The following SLC2A11 variants were observed in gnomAD, a reference collection of about 807,000 sequenced individuals.
SLC2A11 encodes solute carrier family 2, facilitated glucose transporter member 11.
SLC2A11 carries 43 observed loss-of-function variants against 52.1 expected under a neutral mutation model. The ratio of observed to expected loss-of-function variants is 0.82; its 90% CI spans 0.65 to 1.06. The LOEUF is 1.06. SLC2A11 is among the 50% of genes least tolerant of loss of function. The pLI is 0.00. For missense variants in SLC2A11, 582 were observed against 654.2 expected, an observed-to-expected ratio of 0.89 and a Z score of 1.20; for synonymous variants, 261 against 277.6, an observed-to-expected ratio of 0.94 and a Z score of 0.59.
chr22:23,880,102 C>A (rs556877439), intron 6 of SLC2A11, among the ~76,000 whole-genome samples: 5 of 152,040 alleles, frequency 3.3e-5, no homozygotes, highest in African/African-American at 9.6e-5. Context: ...GTCCCAGCTA[C>A]TAGGGAGGCT....
chr22:23,878,177 A>G (rs959593624), intron 6 of SLC2A11, among the ~76,000 whole-genome samples: 11 of 152,370 alleles, frequency 7.2e-5, no homozygotes, highest in African/African-American at 2.2e-4. Context: ...CCCAGTGCCA[A>G]CTGGGTGATG....
rs146510454 is a variant in SLC2A11 at position 23,869,802 on chromosome 22, C to T, written c.290+1161C>T. The T allele has an allele frequency of 8.6e-4, 486 of 563,544 alleles. 2 individuals are homozygous for T. Among genetic ancestry groups the T allele is most frequent in the East Asian group, 6.3e-3 (212 of 33,612 alleles). 34.9% of individuals were successfully genotyped at this position (563,544 alleles called of 1,614,324 possible). On this transcript the variant is annotated intron_variant, in intron 3 of 11. Transcript: ENST00000316185. Reference sequence around the variant, plus strand: ...AAGGCACCCAGCAGATGCAGTGTACCGTGAGGGCTACTCTTTCTGCTTCCA... The same window carrying T: ...AAGGCACCCAGCAGATGCAGTGTACTGTGAGGGCTACTCTTTCTGCTTCCA...
intron 3 of SLC2A11, 35 bp from the exon 4 acceptor site, chr22:23,875,082 C>T: frequency 1.3e-6 from 2 of 1,517,222 alleles, no homozygotes; most frequent in Admixed American, 2.2e-5. Context: ...GACTGAATCA[C>T]AGCCTCTCTT....
upstream of SLC2A11, chr22:23,857,043 C>T: frequency 1.0e-6 from 1 of 963,862 alleles, no homozygotes; most frequent in Non-Finnish European, 1.5e-6. Flanking sequence ...GGGGAAAGGT[C>T]GGGGATACCT....
intron 1 of SLC2A11, among the ~76,000 whole-genome samples, chr22:23,858,514 T>C (rs1455955337): frequency 6.6e-6 from 1 of 152,206 alleles, no homozygotes; most frequent in Non-Finnish European, 1.5e-5. Context: ...ACTGATTTCT[T>C]TAGGTATTTG....
chr22:23,882,390 G>A, intron 6 of SLC2A11, 69 bp from the exon 7 acceptor site: 2 of 1,342,068 alleles, frequency 1.5e-6, no homozygotes, highest in Non-Finnish European at 2.0e-6. Flanking sequence ...GATGGAGGGG[G>A]GCGTCCCTGT....
rs1382091309 is a variant in SLC2A11 at position 23,875,105 on chromosome 22, ACTTC to A, written c.291-10_291-7del. 1 of 1,560,984 alleles carries A rather than the reference ACTTC, an allele frequency of 6.4e-7. No homozygotes were observed. Among genetic ancestry groups the A allele is most frequent in the Non-Finnish European group, 8.7e-7 (1 of 1,152,384 alleles). Reference sequence around the variant, plus strand: ...CACAGCCTCTCTTTCTGTGTGTTTCACTTCCCCCAAGGAAGAAGTCCCTCCTGGT... The same window carrying A: ...CACAGCCTCTCTTTCTGTGTGTTTCACCCCAAGGAAGAAGTCCCTCCTGGT... On this transcript the variant is annotated splice_polypyrimidine_tract_variant and splice_region_variant and intron_variant, in intron 3 of 11. Coordinates refer to ENST00000316185, the MANE Select transcript of SLC2A11 (RefSeq NM_001024939.4).
chr22:23,884,003 C>A lies in SLC2A11; in HGVS notation c.1150C>A (p.Leu384Ile). The change falls in exon 10 of 12, where the codon CTC becomes ATC. Residue 384 changes from leucine (L) to isoleucine (I), a missense_variant. Transcript: ENST00000316185. This position sits in a 1 kb window ranked among gnomAD's most constrained non-coding sequence, Gnocchi z 4.3. ...CATGGCCTGCATCTTTGCCTTCATC[C>A]TCAGCTTTGGCATTGGCCCTGGTGA... ...LAMACIFAFI[L>I]SFGIGPAGVT... 1 of 1,613,502 alleles carries A rather than the reference C, an allele frequency of 6.2e-7. No homozygotes were observed. The highest frequency in any genetic ancestry group is 8.5e-7 in the Non-Finnish European group (1 of 1,179,838).
Position 23,864,558 on chromosome 22 carries a change from G to A in SLC2A11, c.129+2356G>A, listed in dbSNP as rs143199843. On this transcript the variant is annotated intron_variant, in intron 2 of 11. Transcript: ENST00000316185. ...TGGTCTCAAACTCCTGACCTCAGGC[G>A]ATCCGCCTGCCTTGGACTCCCAAAG... 7.2e-4 allele frequency among the ~76,000 whole-genome samples: 109 copies of A among 152,240 alleles called. 1 individual carries two copies. The highest frequency in any genetic ancestry group is 2.5e-3 in the African/African-American group (104 of 41,544).
chr22:23,857,089 TA>T, upstream of SLC2A11: 1 of 583,604 alleles, frequency 1.7e-6, no homozygotes, highest in Non-Finnish European at 2.7e-6. Flanking sequence ...GGGGGGGGTG[TA>T]GGTGGGGCGT....
Position 23,882,787 on chromosome 22 carries a change from G to A in SLC2A11, c.911G>A (p.Arg304Gln), listed in dbSNP as rs36015336. 3,263 of 1,613,560 alleles carry A rather than the reference G, an allele frequency of 2.0e-3. 60 individuals are homozygous for A. The African/African-American group carries it at 0.033, about 16-fold the overall frequency. ...TACGCCTACGCCTCCTCCGTGTTCCGGAAGGCAGGAGTGCCGGAAGCGAAG... is the reference window on the plus strand; with the variant it reads ...TACGCCTACGCCTCCTCCGTGTTCCAGAAGGCAGGAGTGCCGGAAGCGAAG... ...SVYAYASSVF[R>Q]KAGVPEAKIQ... is the part of the protein sequence containing the mutation. The change falls in exon 8 of 12, where the codon CGG becomes CAG. Residue 304 changes from arginine to glutamine, a missense_variant. Transcript: ENST00000316185.
rs919161874 is a variant in SLC2A11, at chr22:23,869,912, G to A, written c.290+1271G>A. The A allele has an allele frequency of 1.1e-4, 78 of 689,506 alleles. No homozygotes were observed. In the African/African-American group the frequency reaches 1.2e-3, roughly 11 times the overall value. The allele number at this position is 689,506 out of a possible 1,614,324, so 42.7% of individuals were successfully genotyped here. A position where few individuals can be genotyped will look rare whatever the true frequency, so the allele number is the denominator to read the frequency against. On this transcript the variant is annotated intron_variant, in intron 3 of 11. Coordinates refer to ENST00000316185, the MANE Select transcript of SLC2A11 (RefSeq NM_001024939.4). Reference sequence around the variant, plus strand: ...ATGGTGAAAGACAAAAGGGCAAAAGGCAAAAAGAGCCTGCCTAGTTCCCTC... The same window carrying A: ...ATGGTGAAAGACAAAAGGGCAAAAGACAAAAAGAGCCTGCCTAGTTCCCTC...
At chr22:23,874,538 A>G (rs1168717796) in intron 3 of SLC2A11, among the ~76,000 whole-genome samples, 2 of 149,030 alleles carry the variant, frequency 1.3e-5, no homozygotes, top group Non-Finnish European at 3.0e-5. Flanking sequence ...CACAACCTCT[A>G]CCTCTCGGGT....
upstream of SLC2A11, chr22:23,857,427 G>A: frequency 1.9e-6 from 3 of 1,609,248 alleles, no homozygotes; most frequent in South Asian, 2.2e-5. Context: ...GCAGAGATGA[G>A]CTTGGGGCTT....
chr22:23,860,728 G>T (rs1174332405), intron 1 of SLC2A11, among the ~76,000 whole-genome samples: 1 of 142,762 alleles, frequency 7.0e-6, no homozygotes, highest in African/African-American at 2.6e-5. Context: ...GCAAAACTCC[G>T]TCTCTTTTTT....
At chr22:23,857,805 T>G, upstream of SLC2A11, 1 of 1,463,158 alleles carries the variant, frequency 6.8e-7, no homozygotes, top group Non-Finnish European at 9.0e-7. Flanking sequence ...CAATACCCAC[T>G]GCGCTTGCGC....
At chr22:23,861,538 G>T (rs373799934) in intron 1 of SLC2A11, among the ~76,000 whole-genome samples, 9 of 152,276 alleles carry the variant, frequency 5.9e-5, no homozygotes, top group East Asian at 5.8e-4. Context: ...CAGGCACCTG[G>T]GCCATTTATG....
At chr22:23,862,280 C>A in intron 2 of SLC2A11, 78 bp downstream of exon 2, 1 of 1,368,176 alleles carries the variant, frequency 7.3e-7, no homozygotes, top group Non-Finnish European at 1.0e-6. Context: ...GGGGCTTCAG[C>A]CAGGCATCCA....
intron 3 of SLC2A11, chr22:23,869,794 C>A: frequency 1.8e-6 from 1 of 543,184 alleles, no homozygotes. Context: ...CCAGCAGATG[C>A]AGTGTACCGT....
Sources: gnomAD v4.1 joint callset for allele counts (sites outside exome capture counted in the v4.1 genomes callset) on GRCh38, gnomAD v4.1.1 for gene constraint, Gnocchi (gnomAD v3.1) non-coding constraint, MANE v1.5 for transcripts, NCBI Gene and HGNC (gene_info 2026-07-23, HGNC 2026-07-21) for gene names.